The following ELN variants were observed in gnomAD, a reference collection of about 807,000 sequenced individuals.
The protein encoded by ELN is elastin.
In ELN, 65 loss-of-function variants were observed where a neutral mutation model predicts 105.8. The observed-to-expected ratio is 0.61, with a 90% CI of 0.50 to 0.75. ELN has a LOEUF of 0.75. ELN is among the 30% of genes least tolerant of loss of function. The pLI, the probability that ELN is intolerant of heterozygous loss-of-function variation, is 0.00. For synonymous variants in ELN, 368 were observed against 389.2 expected, an observed-to-expected ratio of 0.95 and a Z score of 0.64; for missense variants, 882 against 969.4, an observed-to-expected ratio of 0.91 and a Z score of 1.20.
At chr7:74,061,060 G>A in intron 25 of ELN, 41 bp from the exon 26 acceptor site, 1 of 1,613,836 alleles carries the variant, frequency 6.2e-7, no homozygotes, top group Non-Finnish European at 8.5e-7. Context: ...CAGGCACAGA[G>A]CTCGGCTCCT....
At chr7:74,064,219 T>A (rs546277029) in intron 29 of ELN, among the ~76,000 whole-genome samples, 6 of 150,580 alleles carry the variant, frequency 4.0e-5, no homozygotes, top group Non-Finnish European at 8.9e-5. Context: ...ATCAAGACCA[T>A]CCTGGCTAAC....
At chr7:74,040,430 G>A (rs907206858) in intron 4 of ELN, among the ~76,000 whole-genome samples, 7 of 152,338 alleles carry the variant, frequency 4.6e-5, no homozygotes, top group Middle Eastern at 3.4e-3. Flanking sequence ...AATGAGGGAC[G>A]AGGAGTGGTT....
chr7:74,068,669 T>G lies in ELN; in HGVS notation c.2144T>G (p.Leu715Arg). Residue 715 changes from leucine (L) to arginine (R), a missense_variant, in exon 33 of 33, where the codon CTG (leucine) becomes CGG (arginine). Coordinates refer to ENST00000252034, the MANE Select transcript of ELN (RefSeq NM_000501.4). Reference protein sequence around the residue: ...LSPIFPGGACLGKACGRKRK With the variant: ...LSPIFPGGACRGKACGRKRK ...TCCTCCCGTCCAGGTGGGGCCTGCCTGGGGAAAGCTTGTGGCCGGAAGAGA... is the reference window on the plus strand; with the variant it reads ...TCCTCCCGTCCAGGTGGGGCCTGCCGGGGGAAAGCTTGTGGCCGGAAGAGA... 1 of 1,614,136 alleles carries G rather than the reference T, an allele frequency of 6.2e-7. No individual in the cohort carries two copies. The highest frequency in any genetic ancestry group is 8.5e-7 in the Non-Finnish European group (1 of 1,180,022).
At chr7:74,029,563 G>A (rs1357735622) in intron 1 of ELN, among the ~76,000 whole-genome samples, 2 of 152,192 alleles carry the variant, frequency 1.3e-5, no homozygotes, top group African/African-American at 4.8e-5. Flanking sequence ...GTGGAGTCAA[G>A]GGCCTGGGCA....
At chr7:74,066,115 G>C in intron 31 of ELN, 118 bp downstream of exon 31, 1 of 1,416,272 alleles carries the variant, frequency 7.1e-7, no homozygotes. Flanking sequence ...GGAGACTGGG[G>C]CTGGTGAGGG....
intron 4 of ELN, among the ~76,000 whole-genome samples, chr7:74,040,706 G>C (rs1011534977): frequency 1.3e-5 from 2 of 152,206 alleles, no homozygotes; most frequent in Admixed American, 6.5e-5. Context: ...GAGAGAGCCA[G>C]AGGGACCCAT....
chr7:74,029,174 C>T (rs1554660789), intron 1 of ELN, among the ~76,000 whole-genome samples: 1 of 152,066 alleles, frequency 6.6e-6, no homozygotes, highest in African/African-American at 2.4e-5. Flanking sequence ...TGTGGACTGT[C>T]ACTGTGTGTG....
Position 74,068,800 on chromosome 7 carries a change from C to A in ELN, c.*100C>A. On this transcript the variant is annotated 3_prime_UTR_variant, in exon 33 of 33. Coordinates refer to ENST00000252034, the MANE Select transcript of ELN (RefSeq NM_000501.4). ...AACCCCATCCCATGCCCCTCCGACT[C>A]CCCACCCCAGGAGGGAACGGGCAGG... 6.9e-7 allele frequency: 1 copy of A among 1,452,768 alleles called. No homozygotes were observed. Among genetic ancestry groups the A allele is most frequent in the South Asian group, 1.1e-5 (1 of 87,406 alleles). The allele number at this position is 1,452,768 out of a possible 1,614,324, so 90.0% of individuals were successfully genotyped here. A position where few individuals can be genotyped will look rare whatever the true frequency, so the allele number is the denominator to read the frequency against.
chr7:74,067,128 A>G (rs1383131958), intron 32 of ELN, among the ~76,000 whole-genome samples: 12 of 152,292 alleles, frequency 7.9e-5, no homozygotes, highest in African/African-American at 2.6e-4. Flanking sequence ...TCTATTAAAA[A>G]TACTAAAATT....
chr7:74,035,536 A>G, intron 2 of ELN, 122 bp downstream of exon 2: 1 of 1,204,252 alleles, frequency 8.3e-7, no homozygotes, highest in Non-Finnish European at 1.2e-6. Flanking sequence ...AGTCACACCC[A>G]CTTAAAAATG....
rs543703877 is a variant in ELN, at chr7:74,046,392, C to A, written c.571+175C>A. Among the ~76,000 whole-genome samples, 4 of 152,374 alleles carry A rather than the reference C, an allele frequency of 2.6e-5. No homozygotes were observed. The East Asian group carries it at 5.8e-4, about 22-fold the overall frequency. On this transcript the variant is annotated intron_variant, in intron 11 of 32. Coordinates refer to ENST00000252034, the MANE Select transcript of ELN (RefSeq NM_000501.4). Reference sequence around the variant, plus strand: ...GGCACCCATCCCAGGCCTGCTCCCCCCACTGGCATAGCAGCCCAAAATTCA... The same window carrying A: ...GGCACCCATCCCAGGCCTGCTCCCCACACTGGCATAGCAGCCCAAAATTCA...
intron 22 of ELN, chr7:74,059,528 A>C: frequency 2.8e-6 from 1 of 360,944 alleles, no homozygotes; most frequent in Non-Finnish European, 5.2e-6. Context: ...CTAAAAATAC[A>C]AAAAAATTAG....
intron 22 of ELN, 81 bp from the exon 23 acceptor site, chr7:74,059,805 G>A: frequency 3.6e-6 from 3 of 822,790 alleles, no homozygotes; most frequent in Non-Finnish European, 4.4e-6. Context: ...TGCCAGGGCC[G>A]AGGCTCCAGC....
chr7:74,037,870 G>A (rs910254210), intron 4 of ELN, 131 bp downstream of exon 4: 5 of 1,368,420 alleles, frequency 3.7e-6, no homozygotes, highest in Admixed American at 2.0e-5. Flanking sequence ...GAAGGAGGGA[G>A]GTGTGGACAC....
chr7:74,043,895 T>C lies in ELN; in HGVS notation c.444T>C (p.Gly148=). ...PGKVPGVGLP[G]VYPGGVLPGA... is the part of the protein sequence containing the mutation. ...TGGCCACAGGTGTGGGGCTGCCAGGTGTATACCCAGGTGGCGTGCTCCCAG... is the reference window on the plus strand; with the variant it reads ...TGGCCACAGGTGTGGGGCTGCCAGGCGTATACCCAGGTGGCGTGCTCCCAG... The change falls in exon 9 of 33, where the codon GGT becomes GGC. Residue 148 remains glycine (G), a synonymous_variant. Transcript: ENST00000252034. The C allele has an allele frequency of 6.2e-7, 1 of 1,613,962 alleles. No homozygotes were observed. The highest frequency in any genetic ancestry group is 8.5e-7 in the Non-Finnish European group (1 of 1,179,970).
chr7:74,048,603 C>T (rs782284889), intron 15 of ELN, 47 bp downstream of exon 15: 60 of 1,610,598 alleles, frequency 3.7e-5, no homozygotes, highest in Non-Finnish European at 4.8e-5. Context: ...GGCCCCTAGC[C>T]TCTCCATTCC....
At chr7:74,054,645 C>A in intron 18 of ELN, 71 bp from the exon 19 acceptor site, 1 of 1,495,178 alleles carries the variant, frequency 6.7e-7, no homozygotes, top group Middle Eastern at 1.7e-4. Context: ...GATGGGTAGA[C>A]AGAGGGATAC....
rs1797268299 is a variant in ELN, at chr7:74,063,790, C to T, written c.1993+95C>T. Reference sequence around the variant, plus strand: ...AGAGACAGAGACTTTCGTTCCCACCCCTGGCACGTCTTTGCTCAAGATGTC... The same window carrying T: ...AGAGACAGAGACTTTCGTTCCCACCTCTGGCACGTCTTTGCTCAAGATGTC... On this transcript the variant is annotated intron_variant, in intron 29 of 32. Transcript: ENST00000252034. This position sits in a 1 kb window ranked among gnomAD's most constrained non-coding sequence, Gnocchi z 4.1. 30 of 1,543,530 alleles carry T rather than the reference C, an allele frequency of 1.9e-5. No homozygotes were observed. Among genetic ancestry groups the T allele is most frequent in the Non-Finnish European group, 2.7e-5 (30 of 1,120,464 alleles).
At position 74,054,779 on chromosome 7, in the gene ELN, A is replaced by T; in HGVS notation, c.1150+10A>T. On this transcript the variant is annotated intron_variant, in intron 19 of 32. Transcript: ENST00000252034. The stretch of plus-strand genomic sequence containing the variant: ...AAGGCAGCCAAATACGGTGAGTGCT[A>T]TGCTGACAGCTCTGCCCCACCCTGT... The T allele has an allele frequency of 6.2e-7, 1 of 1,613,940 alleles. No homozygotes were observed. Among genetic ancestry groups the T allele is most frequent in the East Asian group, 2.2e-5 (1 of 44,884 alleles).
Sources: allele counts gnomAD v4.1 joint callset (sites outside exome capture counted in the v4.1 genomes callset), GRCh38; gene constraint gnomAD v4.1.1; non-coding constraint Gnocchi (gnomAD v3.1); transcripts MANE v1.5; gene names NCBI Gene and HGNC (gene_info 2026-07-23, HGNC 2026-07-21).